SAMD5: variants seen among roughly 807,000 people sequenced by gnomAD.
SAMD5 encodes the protein sterile alpha motif domain-containing protein 5.
Under a neutral mutation model 11.3 loss-of-function variants are expected in SAMD5, and 13 were observed. That is an observed-to-expected ratio of 1.15 (90% CI 0.75 to 1.83). The LOEUF (loss-of-function observed/expected upper bound fraction) is 1.83. SAMD5 is among the 40% of genes most tolerant of loss of function. The probability of loss-of-function intolerance (pLI) is 0.00; values close to 1 mark genes in which losing one functional copy is unlikely to be tolerated. For synonymous variants in SAMD5, 129 were observed against 111.3 expected (o/e 1.16, Z -1.00); for missense variants, 255 against 239.1 (o/e 1.07, Z -0.44).
intron 1 of SAMD5, among the ~76,000 whole-genome samples, chr6:147,626,483 A>C (rs6916466): frequency 0.48 from 71,976 of 151,356 alleles, 17,596 homozygotes; most frequent in Middle Eastern, 0.56. Flanking sequence ...ATTATGTAGT[A>C]GAACACTGAT....
chr6:147,667,303 G>A (rs1397539326), intron 1 of SAMD5, among the ~76,000 whole-genome samples: 1 of 151,890 alleles, frequency 6.6e-6, no homozygotes, highest in Non-Finnish European at 1.5e-5. Flanking sequence ...TTTTTTAATG[G>A]TGAGGTGTTG....
the SAMD5 span, among the ~76,000 whole-genome samples, chr6:147,951,503 A>G: frequency 1.3e-5 from 2 of 152,166 alleles, no homozygotes; most frequent in Non-Finnish European, 2.9e-5. Flanking sequence ...CAGACAGGTC[A>G]GTGCATTGGG....
chr6:147,714,487 T>G (rs939619810), intron 1 of SAMD5, among the ~76,000 whole-genome samples: 7 of 152,136 alleles, frequency 4.6e-5, no homozygotes, highest in Non-Finnish European at 7.4e-5. Flanking sequence ...TGGTGTTGAC[T>G]TATATATTGA....
the SAMD5 span, among the ~76,000 whole-genome samples, chr6:147,932,710 C>A: frequency 6.6e-6 from 1 of 151,414 alleles, no homozygotes; most frequent in African/African-American, 2.4e-5. Flanking sequence ...CCTGCACCAG[C>A]TGAACTTACA....
chr6:147,781,024 G>A, the SAMD5 span, among the ~76,000 whole-genome samples: 1 of 152,132 alleles, frequency 6.6e-6, no homozygotes, highest in East Asian at 1.9e-4. Flanking sequence ...GAGCAAAGGA[G>A]AGACACATAC....
intron 1 of SAMD5, among the ~76,000 whole-genome samples, chr6:147,695,388 T>C (rs1049038079): frequency 9.9e-5 from 15 of 152,178 alleles, no homozygotes; most frequent in African/African-American, 3.6e-4. Context: ...GCATATGTGT[T>C]TAAATTATTC....
At chr6:147,594,511 A>G (rs1789501230) in intron 1 of SAMD5, among the ~76,000 whole-genome samples, 1 of 152,218 alleles carries the variant, frequency 6.6e-6, no homozygotes, top group South Asian at 2.1e-4. Flanking sequence ...TATCTAATCC[A>G]TTATATTACA....
the SAMD5 span, among the ~76,000 whole-genome samples, chr6:147,794,477 T>C: frequency 6.6e-6 from 1 of 152,142 alleles, no homozygotes; most frequent in African/African-American, 2.4e-5. Context: ...AAGACTTCCA[T>C]ATAAATGCAT....
At chr6:147,950,031 G>T in the SAMD5 span, among the ~76,000 whole-genome samples, 1 of 152,170 alleles carries the variant, frequency 6.6e-6, no homozygotes, top group Admixed American at 6.5e-5. Context: ...GAAGGTATAA[G>T]ACATGTCAGG....
intron 1 of SAMD5, among the ~76,000 whole-genome samples, chr6:147,731,663 A>C (rs768503079): frequency 0.027 from 4,120 of 150,722 alleles, 114 homozygotes; most frequent in African/African-American, 0.048. Flanking sequence ...AAAAAAAAAA[A>C]AAAAAAAATC....
the SAMD5 span, among the ~76,000 whole-genome samples, chr6:147,853,501 G>T: frequency 2.6e-5 from 4 of 152,018 alleles, no homozygotes; most frequent in Non-Finnish European, 4.4e-5. Flanking sequence ...GCAGAAAAGG[G>T]TAGCGAATAG....
downstream of SAMD5, among the ~76,000 whole-genome samples, chr6:147,574,738 G>A (rs904478851): frequency 6.6e-6 from 1 of 152,170 alleles, no homozygotes; most frequent in African/African-American, 2.4e-5. Flanking sequence ...AAGGCAGAAG[G>A]GTAAGAGACT....
chr6:147,784,018 T>C, the SAMD5 span, among the ~76,000 whole-genome samples: 2 of 152,234 alleles, frequency 1.3e-5, no homozygotes, highest in Non-Finnish European at 2.9e-5. Context: ...AGGAATTACA[T>C]GGACCCAATG....
chr6:147,810,280 A>G, the SAMD5 span, among the ~76,000 whole-genome samples: 2 of 152,160 alleles, frequency 1.3e-5, no homozygotes, highest in African/African-American at 2.4e-5. Context: ...CTCATGGCAT[A>G]GTGTTCTGAG....
At chr6:147,636,127 A>G (rs1357044014) in intron 1 of SAMD5, among the ~76,000 whole-genome samples, 1 of 152,178 alleles carries the variant, frequency 6.6e-6, no homozygotes, top group Non-Finnish European at 1.5e-5. Flanking sequence ...GTTTTGAGTC[A>G]GGAAAAACAA....
intron 1 of SAMD5, among the ~76,000 whole-genome samples, chr6:147,530,314 C>T (rs79763018): frequency 0.031 from 4,797 of 152,338 alleles, 168 homozygotes; most frequent in African/African-American, 0.091. Flanking sequence ...CCACCTTGTG[C>T]ACACAAGCAC....
chr6:147,824,956 C>T, the SAMD5 span, among the ~76,000 whole-genome samples: 3 of 151,986 alleles, frequency 2.0e-5, no homozygotes, highest in Non-Finnish European at 4.4e-5. Context: ...TTTTATGGGA[C>T]TAGTAGATGT....
At chr6:147,642,513 T>C (rs984771003) in intron 1 of SAMD5, among the ~76,000 whole-genome samples, 1 of 152,228 alleles carries the variant, frequency 6.6e-6, no homozygotes, top group African/African-American at 2.4e-5. Context: ...ACCCTGCTCA[T>C]GTTCCACATT....
the SAMD5 span, among the ~76,000 whole-genome samples, chr6:147,870,492 A>ATGTATATATTGCTAT: frequency 6.7e-6 from 1 of 148,766 alleles, no homozygotes; most frequent in African/African-American, 2.5e-5. Context: ...GTATATATAT[A>ATGTATATATTGCTAT]TGTATATATT....
Sources: allele counts gnomAD v4.1 joint callset (sites outside exome capture counted in the v4.1 genomes callset), GRCh38; gene constraint gnomAD v4.1.1; transcripts MANE v1.5; gene names NCBI Gene and HGNC (gene_info 2026-07-23, HGNC 2026-07-21).